The following STPG2 variants were observed in gnomAD, a reference collection of about 807,000 sequenced individuals.
The protein encoded by STPG2 is sperm tail PG-rich repeat containing 2.
Under a neutral mutation model 54.2 loss-of-function variants are expected in STPG2, and 56 were observed. That is an observed-to-expected ratio of 1.03 (90% CI 0.83 to 1.29). The LOEUF (loss-of-function observed/expected upper bound fraction) is 1.29, where lower values mean the gene tolerates loss of function less well. Among genes scored for constraint, STPG2 ranks in the 50% most tolerant of loss-of-function variants. The pLI, the probability that STPG2 is intolerant of heterozygous loss-of-function variation, is 0.00. For synonymous variants in STPG2, 200 were observed against 181.8 expected (o/e 1.10, Z -0.81); for missense variants, 596 against 544.9 (o/e 1.09, Z -0.93).
intron 9 of STPG2, among the ~76,000 whole-genome samples, chr4:97,754,170 C>T (rs1276732924): frequency 6.6e-6 from 1 of 152,028 alleles, no homozygotes; most frequent in Non-Finnish European, 1.5e-5. Context: ...GTTCAATAAA[C>T]CAAACCAAAA....
intron 8 of STPG2, among the ~76,000 whole-genome samples, chr4:97,911,162 T>C (rs1024449216): frequency 2.0e-5 from 3 of 152,198 alleles, no homozygotes; most frequent in African/African-American, 7.2e-5. Flanking sequence ...ATAAGATCCC[T>C]TCAAGCCCAG....
chr4:98,031,599 C>G (rs530479425), intron 5 of STPG2, among the ~76,000 whole-genome samples: 1 of 152,108 alleles, frequency 6.6e-6, no homozygotes, highest in East Asian at 1.9e-4. Flanking sequence ...GCAGCAGAAT[C>G]GCTTGAAACC....
At position 97,834,578 on chromosome 4, in the gene STPG2, G is replaced by A. The variant is rs141175806; in HGVS notation, c.1204+6195C>T. ...CCAAATATAATAAAGCAAATTGGTC[G>A]TACTATGATTTGTCTTTATTAAAAA... On this transcript the variant is annotated intron_variant, in intron 9 of 10. Coordinates refer to ENST00000295268, the MANE Select transcript of STPG2 (RefSeq NM_174952.3). Among the ~76,000 whole-genome samples the A allele has an allele frequency of 4.2e-3, 635 of 152,020 alleles. 14 individuals carry two copies. The highest frequency in any genetic ancestry group is 0.036 in the Admixed American group (543 of 15,238).
chr4:98,012,353 C>A (rs1323027759), intron 5 of STPG2, among the ~76,000 whole-genome samples: 1 of 152,132 alleles, frequency 6.6e-6, no homozygotes, highest in African/African-American at 2.4e-5. Context: ...GTTTCTGTAG[C>A]CTTGCAGTAT....
At chr4:97,782,759 C>T (rs1726689841) in intron 9 of STPG2, among the ~76,000 whole-genome samples, 1 of 152,100 alleles carries the variant, frequency 6.6e-6, no homozygotes, top group Non-Finnish European at 1.5e-5. Context: ...AGAAGAGAGC[C>T]ATCAGAAATA....
intron 4 of STPG2, among the ~76,000 whole-genome samples, chr4:97,545,843 C>T (rs1399457521): frequency 2.0e-5 from 3 of 152,000 alleles, no homozygotes; most frequent in Non-Finnish European, 4.4e-5. Context: ...TACTCATACA[C>T]ATTGATGAGC....
intron 9 of STPG2, among the ~76,000 whole-genome samples, chr4:97,805,492 T>A (rs1727529641): frequency 6.6e-6 from 1 of 152,176 alleles, no homozygotes; most frequent in Non-Finnish European, 1.5e-5. Flanking sequence ...ATTACAGGCG[T>A]GAGCCACCGC....
chr4:97,906,848 G>A (rs1225759475), intron 8 of STPG2, among the ~76,000 whole-genome samples: 3 of 152,106 alleles, frequency 2.0e-5, no homozygotes, highest in African/African-American at 7.2e-5. Context: ...AATAAATTAG[G>A]TATTGATGGG....
intron 5 of STPG2, among the ~76,000 whole-genome samples, chr4:98,020,402 C>G (rs1736138783): frequency 6.9e-6 from 1 of 145,890 alleles, no homozygotes; most frequent in Non-Finnish European, 1.5e-5. Flanking sequence ...TTTTGATGTG[C>G]TGCTGGATTC....
chr4:97,983,560 G>A (rs754372434), intron 5 of STPG2, among the ~76,000 whole-genome samples: 6 of 152,072 alleles, frequency 3.9e-5, no homozygotes, highest in African/African-American at 1.4e-4. Flanking sequence ...CCTTCATATT[G>A]TTTCCTATGT....
chr4:97,720,559 C>A (rs1000643710), intron 9 of STPG2, among the ~76,000 whole-genome samples: 3 of 151,884 alleles, frequency 2.0e-5, no homozygotes, highest in Admixed American at 1.3e-4. Flanking sequence ...TATGCTTTTA[C>A]CACAGCATGA....
At chr4:98,120,534 G>T (rs1739649592) in intron 3 of STPG2, among the ~76,000 whole-genome samples, 1 of 152,140 alleles carries the variant, frequency 6.6e-6, no homozygotes, top group Non-Finnish European at 1.5e-5. Context: ...CACCAACAGT[G>T]TAAAGGCATT....
chr4:97,668,507 G>A (rs1156786811), intron 10 of STPG2, among the ~76,000 whole-genome samples: 1 of 151,942 alleles, frequency 6.6e-6, no homozygotes, highest in African/African-American at 2.4e-5. Context: ...CAGTAACCCA[G>A]GTAAAAGATT....
chr4:97,443,379 C>T (rs1029588005), intron 4 of STPG2, among the ~76,000 whole-genome samples: 26 of 152,234 alleles, frequency 1.7e-4, no homozygotes, highest in Middle Eastern at 3.4e-3. Flanking sequence ...GGAATTCTGG[C>T]ATCGTGTCAT....
At chr4:98,024,402 A>C (rs1736345011) in intron 5 of STPG2, among the ~76,000 whole-genome samples, 2 of 152,124 alleles carry the variant, frequency 1.3e-5, no homozygotes, top group African/African-American at 4.8e-5. Flanking sequence ...TTTACATAAC[A>C]CCCTTCCATA....
At chr4:97,458,940 G>A (rs1374024367) in intron 4 of STPG2, among the ~76,000 whole-genome samples, 1 of 151,980 alleles carries the variant, frequency 6.6e-6, no homozygotes, top group Non-Finnish European at 1.5e-5. Flanking sequence ...ATTAGCAAAA[G>A]TAAAATAAAG....
At chr4:97,920,168 G>A (rs1732042170) in intron 8 of STPG2, among the ~76,000 whole-genome samples, 1 of 152,150 alleles carries the variant, frequency 6.6e-6, no homozygotes, top group Non-Finnish European at 1.5e-5. Flanking sequence ...TTTAAAACAG[G>A]CTTTGTATCA....
At chr4:97,685,612 T>C (rs1175526846) in intron 10 of STPG2, among the ~76,000 whole-genome samples, 1 of 152,174 alleles carries the variant, frequency 6.6e-6, no homozygotes, top group African/African-American at 2.4e-5. Context: ...GGTATGATAC[T>C]GTATGGGAGA....
At chr4:97,941,136 A>G (rs1209229410) in intron 8 of STPG2, among the ~76,000 whole-genome samples, 1 of 152,130 alleles carries the variant, frequency 6.6e-6, no homozygotes, top group Non-Finnish European at 1.5e-5. Context: ...ACCATCTCCT[A>G]GCCTTGAAAT....
Sources: allele counts gnomAD v4.1 joint callset (sites outside exome capture counted in the v4.1 genomes callset), GRCh38; gene constraint gnomAD v4.1.1; transcripts MANE v1.5; gene names NCBI Gene and HGNC (gene_info 2026-07-23, HGNC 2026-07-21).